Variants in DPYD observed in about 807,000 individuals in gnomAD.
DPYD encodes the protein dihydropyrimidine dehydrogenase [NADP(+)].
A neutral mutation model predicts 116.2 loss-of-function variants in DPYD; 109 were observed. That is an observed-to-expected ratio of 0.94 (90% CI 0.80 to 1.10). The LOEUF (loss-of-function observed/expected upper bound fraction) is 1.10, where lower values mean the gene tolerates loss of function less well. DPYD is among the 50% of genes least tolerant of loss of function. The pLI is 0.00. For missense variants in DPYD, 1,302 were observed against 1,254.5 expected (o/e 1.04, Z -0.57); for synonymous variants, 440 against 432.0 (o/e 1.02, Z -0.23).
intron 18 of DPYD, among the ~76,000 whole-genome samples, chr1:97,250,191 A>G (rs1158551769): frequency 2.0e-5 from 3 of 152,152 alleles, no homozygotes; most frequent in African/African-American, 7.2e-5. Flanking sequence ...AATCGCGTGA[A>G]CATGGGAGAC....
intron 16 of DPYD, among the ~76,000 whole-genome samples, chr1:97,350,579 T>G (rs1670087999): frequency 6.6e-6 from 1 of 152,142 alleles, no homozygotes; most frequent in Admixed American, 6.6e-5. Context: ...AGCTTATTAT[T>G]GGAGCAGTTG....
In DPYD at chr1:97,562,075, A is replaced by G. The variant is rs551701718; in HGVS notation, c.1339+11685T>C. On this transcript the variant is annotated intron_variant, in intron 11 of 22. Coordinates refer to ENST00000370192, the MANE Select transcript of DPYD (RefSeq NM_000110.4). ...ATTTTTGTGAACTTTAGAGAACCTA[A>G]AAGAATCTTGTATAATTAATACAAA... Among the ~76,000 whole-genome samples, 7 of 152,366 alleles carry G rather than the reference A, an allele frequency of 4.6e-5. 1 individual carries two copies. Among genetic ancestry groups the G allele is most frequent in the African/African-American group, 1.7e-4 (7 of 41,580 alleles).
At chr1:97,606,516 A>G (rs989451069) in intron 8 of DPYD, among the ~76,000 whole-genome samples, 4 of 151,924 alleles carry the variant, frequency 2.6e-5, no homozygotes, top group Admixed American at 1.3e-4. Context: ...AGCTTCATAT[A>G]CAAGGGCATG....
chr1:97,907,577 ACTTC>A (rs1169004189), intron 1 of DPYD, among the ~76,000 whole-genome samples: 1 of 152,036 alleles, frequency 6.6e-6, no homozygotes, highest in Non-Finnish European at 1.5e-5. Flanking sequence ...AACCCCAATT[ACTTC>A]CTTCAACTAC....
At chr1:97,487,126 A>C (rs1678683563) in intron 13 of DPYD, among the ~76,000 whole-genome samples, 2 of 152,300 alleles carry the variant, frequency 1.3e-5, no homozygotes, top group African/African-American at 4.8e-5. Flanking sequence ...GACCCATTTG[A>C]AATTAAAGAT....
intron 8 of DPYD, among the ~76,000 whole-genome samples, chr1:97,600,456 G>A (rs574170748): frequency 5.3e-5 from 8 of 152,158 alleles, no homozygotes; most frequent in African/African-American, 1.9e-4. Flanking sequence ...CTTTATTTTT[G>A]TTTATTAAAT....
intron 2 of DPYD, among the ~76,000 whole-genome samples, chr1:97,852,037 AAG>A (rs1385564702): frequency 6.6e-6 from 1 of 150,480 alleles, no homozygotes; most frequent in African/African-American, 2.5e-5. Flanking sequence ...AAAAAAAAAA[AAG>A]AAAGAAAGAA....
chr1:97,624,152 T>G (rs1407177978), intron 8 of DPYD, among the ~76,000 whole-genome samples: 1 of 152,074 alleles, frequency 6.6e-6, no homozygotes, highest in Non-Finnish European at 1.5e-5. Context: ...AAAAGACTTC[T>G]GCATTACCAA....
At chr1:97,892,237 G>T (rs1672816105) in intron 1 of DPYD, among the ~76,000 whole-genome samples, 1 of 151,670 alleles carries the variant, frequency 6.6e-6, no homozygotes, top group African/African-American at 2.4e-5. Context: ...ATTGATTAAT[G>T]CTTTTGACGA....
chr1:97,292,568 G>A (rs1257369430), intron 18 of DPYD, among the ~76,000 whole-genome samples: 1 of 152,170 alleles, frequency 6.6e-6, no homozygotes, highest in Non-Finnish European at 1.5e-5. Context: ...AGTTCAAGAT[G>A]AGATTTGGGT....
intron 8 of DPYD, among the ~76,000 whole-genome samples, chr1:97,626,492 A>C (rs1656938502): frequency 1.3e-5 from 2 of 152,018 alleles, no homozygotes; most frequent in Non-Finnish European, 1.5e-5. Context: ...ATGACTTCCC[A>C]TTTCCTCCAA....
chr1:97,394,711 T>C (rs1672917313), intron 14 of DPYD, among the ~76,000 whole-genome samples: 1 of 151,846 alleles, frequency 6.6e-6, no homozygotes, highest in Non-Finnish European at 1.5e-5. Context: ...CTTCAATTTG[T>C]AAAAAAAGCA....
intron 13 of DPYD, among the ~76,000 whole-genome samples, chr1:97,467,971 T>C (rs1432610930): frequency 6.6e-6 from 1 of 152,156 alleles, no homozygotes; most frequent in Non-Finnish European, 1.5e-5. Flanking sequence ...AAGAGAAGAC[T>C]GTCCAGAGCA....
At chr1:97,383,239 G>A (rs1404119742) in intron 14 of DPYD, among the ~76,000 whole-genome samples, 1 of 152,092 alleles carries the variant, frequency 6.6e-6, no homozygotes, top group South Asian at 2.1e-4. Context: ...TACTTTGGGA[G>A]GCAGAGGCGG....
intron 8 of DPYD, among the ~76,000 whole-genome samples, chr1:97,636,506 G>C (rs1004437835): frequency 6.6e-6 from 1 of 151,990 alleles, no homozygotes; most frequent in East Asian, 1.9e-4. Context: ...GCAAAATTAA[G>C]TATGATTTAT....
At chr1:97,218,889 G>C (rs1384462709) in intron 19 of DPYD, among the ~76,000 whole-genome samples, 1 of 151,994 alleles carries the variant, frequency 6.6e-6, no homozygotes, top group East Asian at 1.9e-4. Flanking sequence ...GTGTTAGGAG[G>C]ATAAGAGATT....
intron 18 of DPYD, among the ~76,000 whole-genome samples, chr1:97,259,541 A>C (rs997429032): frequency 1.3e-5 from 2 of 151,970 alleles, no homozygotes; most frequent in Non-Finnish European, 2.9e-5. Context: ...CCAGTGGCCA[A>C]GGATCAAAGT....
chr1:97,394,917 A>T lies in DPYD; in HGVS notation c.1906-12456T>A, dbSNP rs532376087. On this transcript the variant is annotated intron_variant, in intron 14 of 22. Transcript: ENST00000370192. ...AAATGGTTACGTTTCATAAAAAATG[A>T]AGCAAGATATCTAAGTAGGAATCTG... Among the ~76,000 whole-genome samples the T allele has an allele frequency of 2.6e-5, 4 of 152,194 alleles. No individual in the cohort carries two copies. In the South Asian group the frequency reaches 8.3e-4, roughly 32 times the overall value.
At chr1:97,360,781 A>C (rs147673530) in intron 16 of DPYD, among the ~76,000 whole-genome samples, 8,298 of 152,236 alleles carry the variant, frequency 0.055, 319 homozygotes, top group East Asian at 0.17. Flanking sequence ...AACATACCAG[A>C]ATCTCTGGGA....
Sources: gnomAD v4.1 joint callset for allele counts (sites outside exome capture counted in the v4.1 genomes callset) on GRCh38, gnomAD v4.1.1 for gene constraint, MANE v1.5 for transcripts, NCBI Gene and HGNC (gene_info 2026-07-23, HGNC 2026-07-21) for gene names.